The following SLC8A1 variants were observed in gnomAD, a reference collection of about 807,000 sequenced individuals.
SLC8A1 encodes sodium/calcium exchanger 1.
A neutral mutation model predicts 68.3 loss-of-function variants in SLC8A1; 18 were observed. That is an observed-to-expected ratio of 0.26 (90% CI 0.18 to 0.39). SLC8A1 has a LOEUF of 0.39. Ranked by LOEUF, SLC8A1 falls within the 10% of genes least tolerant of loss-of-function variation. SLC8A1 has a pLI of 1.00. For synonymous variants in SLC8A1, 475 were observed against 415.5 expected (o/e 1.14, Z -1.74); for missense variants, 985 against 1,156.7 (o/e 0.85, Z 2.15).
At chr2:40,297,022 G>A (rs2070521680) in intron 2 of SLC8A1, among the ~76,000 whole-genome samples, 1 of 151,980 alleles carries the variant, frequency 6.6e-6, no homozygotes, top group Non-Finnish European at 1.5e-5. Flanking sequence ...TGGGTCATGT[G>A]ACTATAATTA....
At chr2:40,493,147 A>G (rs1705432570) in intron 1 of SLC8A1, among the ~76,000 whole-genome samples, 2 of 152,184 alleles carry the variant, frequency 1.3e-5, no homozygotes, top group Non-Finnish European at 2.9e-5. Context: ...CATAAACACC[A>G]TGGAATACTA....
At chr2:40,333,128 T>C (rs905964159) in intron 2 of SLC8A1, among the ~76,000 whole-genome samples, 9 of 152,210 alleles carry the variant, frequency 5.9e-5, no homozygotes, top group African/African-American at 2.2e-4. Flanking sequence ...ACGAAAATAC[T>C]TGTTGCACTC....
intron 2 of SLC8A1, among the ~76,000 whole-genome samples, chr2:40,384,713 G>A (rs1318893613): frequency 4.6e-5 from 7 of 152,114 alleles, no homozygotes; most frequent in African/African-American, 1.2e-4. Context: ...TTCAAGGACT[G>A]GATGAAAGCC....
At chr2:40,416,689 C>T (rs1307705834) in intron 2 of SLC8A1, among the ~76,000 whole-genome samples, 2 of 152,092 alleles carry the variant, frequency 1.3e-5, no homozygotes, top group Non-Finnish European at 2.9e-5. Flanking sequence ...TAGCGACCAA[C>T]TAACCAGACC....
chr2:40,408,351 C>T (rs1691037214), intron 2 of SLC8A1, among the ~76,000 whole-genome samples: 1 of 152,180 alleles, frequency 6.6e-6, no homozygotes, highest in Non-Finnish European at 1.5e-5. Context: ...GATAAATTAG[C>T]TTAGACTGTG....
At chr2:40,214,063 G>C (rs372486162) in intron 2 of SLC8A1, among the ~76,000 whole-genome samples, 112 of 152,274 alleles carry the variant, frequency 7.4e-4, no homozygotes, top group African/African-American at 2.5e-3. Context: ...GGCTGAAGAA[G>C]TCCCATTTGA....
chr2:40,124,709 T>A (rs991906761), intron 7 of SLC8A1, among the ~76,000 whole-genome samples: 2 of 152,216 alleles, frequency 1.3e-5, no homozygotes, highest in Non-Finnish European at 2.9e-5. Flanking sequence ...ATATCAGGGA[T>A]TGGAGCAGAG....
intron 7 of SLC8A1, among the ~76,000 whole-genome samples, chr2:40,126,680 T>A (rs1195855426): frequency 6.6e-6 from 1 of 152,154 alleles, no homozygotes; most frequent in African/African-American, 2.4e-5. Context: ...AGATTAGTAG[T>A]GTACAAAGTC....
At chr2:40,483,871 A>T (rs1434655744) in intron 1 of SLC8A1, among the ~76,000 whole-genome samples, 3 of 152,198 alleles carry the variant, frequency 2.0e-5, no homozygotes, top group Non-Finnish European at 2.9e-5. Flanking sequence ...GGTGATTATA[A>T]GCCACTGTAT....
At chr2:40,302,245 A>T (rs951944625) in intron 2 of SLC8A1, among the ~76,000 whole-genome samples, 18 of 151,658 alleles carry the variant, frequency 1.2e-4, no homozygotes, top group Admixed American at 6.6e-5. Flanking sequence ...CTTCCCTCCA[A>T]GTCCCTAAAA....
chr2:40,289,092 A>C lies in SLC8A1; in HGVS notation c.1809-111237T>G, dbSNP rs538185055. Among the ~76,000 whole-genome samples, 5 of 151,922 alleles carry C rather than the reference A, an allele frequency of 3.3e-5. No individual in the cohort carries two copies. In the South Asian group the frequency reaches 1.0e-3, roughly 31 times the overall value. On this transcript the variant is annotated intron_variant, in intron 2 of 7. Coordinates refer to ENST00000406785, the Ensembl canonical transcript of SLC8A1. ...CTAAATGTAATGCTAAAATACGATG[A>C]CTGATTCTTTTTTTTTTCAGTCAAA...
At chr2:40,378,983 C>T (rs1680838996) in intron 2 of SLC8A1, among the ~76,000 whole-genome samples, 1 of 152,098 alleles carries the variant, frequency 6.6e-6, no homozygotes. Context: ...TATTTGTTCA[C>T]TGTTTTGTTC....
At chr2:40,256,039 T>C (rs977461060) in intron 2 of SLC8A1, among the ~76,000 whole-genome samples, 3 of 152,198 alleles carry the variant, frequency 2.0e-5, no homozygotes, top group Non-Finnish European at 4.4e-5. Context: ...TAGTGCTGTA[T>C]GGGAACTCAG....
chr2:40,302,021 C>T (rs1047093614), intron 2 of SLC8A1, among the ~76,000 whole-genome samples: 2 of 133,378 alleles, frequency 1.5e-5, no homozygotes, highest in Non-Finnish European at 3.3e-5. Context: ...TGCCACCACA[C>T]CGGGCTAATC....
At chr2:40,176,668 G>T (rs894397136) in intron 3 of SLC8A1, among the ~76,000 whole-genome samples, 2 of 152,120 alleles carry the variant, frequency 1.3e-5, no homozygotes, top group Non-Finnish European at 2.9e-5. Context: ...TGGGATGAAC[G>T]TGGGATAAAT....
At chr2:40,444,484 A>C (rs1379057267) in intron 1 of SLC8A1, among the ~76,000 whole-genome samples, 1 of 152,128 alleles carries the variant, frequency 6.6e-6, no homozygotes, top group African/African-American at 2.4e-5. Context: ...AATTCTGTGA[A>C]TTTCTAGGCC....
chr2:40,444,787 T>C lies in SLC8A1; in HGVS notation c.-25+7117A>G, dbSNP rs79249356. 6.5e-3 allele frequency among the ~76,000 whole-genome samples: 995 copies of C among 152,352 alleles called. 13 individuals carry two copies. The highest frequency in any genetic ancestry group is 0.023 in the African/African-American group (945 of 41,574). ...GAACACAGCCGTGCCCATTCATTTA[T>C]ATATCATCTATGATTGCTTTCTTGC... is the stretch of plus-strand genomic sequence containing the variant. On this transcript the variant is annotated intron_variant, in intron 1 of 7. Coordinates refer to ENST00000406785, the Ensembl canonical transcript of SLC8A1.
intron 1 of SLC8A1, among the ~76,000 whole-genome samples, chr2:40,500,713 C>G (rs1400763192): frequency 1.3e-5 from 2 of 150,552 alleles, no homozygotes; most frequent in East Asian, 3.9e-4. Context: ...TAATAGCTCC[C>G]TCTTTCTCTC....
At chr2:40,183,585 A>T (rs2050049522) in intron 2 of SLC8A1, among the ~76,000 whole-genome samples, 1 of 152,224 alleles carries the variant, frequency 6.6e-6, no homozygotes, top group Non-Finnish European at 1.5e-5. Context: ...TTGCAGAATC[A>T]TAGGCTCCAT....
Sources: allele counts gnomAD v4.1 joint callset (sites outside exome capture counted in the v4.1 genomes callset), GRCh38; gene constraint gnomAD v4.1.1; transcripts MANE v1.5; gene names NCBI Gene and HGNC (gene_info 2026-07-23, HGNC 2026-07-21).